Variants in USP49 observed in about 807,000 individuals in gnomAD.
USP49 encodes the protein ubiquitin carboxyl-terminal hydrolase 49.
USP49 carries 24 observed loss-of-function variants against 58.6 expected under a neutral mutation model. The observed-to-expected ratio is 0.41, with a 90% CI of 0.30 to 0.58. The LOEUF (loss-of-function observed/expected upper bound fraction) is 0.58. USP49 is among the 20% of genes least tolerant of loss of function. USP49 has a pLI of 0.30. For missense variants in USP49, 703 were observed against 866.1 expected, an observed-to-expected ratio of 0.81 and a Z score of 2.36; for synonymous variants, 408 against 365.1, an observed-to-expected ratio of 1.12 and a Z score of -1.34.
chr6:41,836,093 C>A (rs1343915974), intron 3 of USP49, among the ~76,000 whole-genome samples: 1 of 151,706 alleles, frequency 6.6e-6, no homozygotes, highest in African/African-American at 2.4e-5. Context: ...TAAATAAATA[C>A]AATACAAATT....
At chr6:41,827,939 G>A (rs2127339289) in intron 3 of USP49, among the ~76,000 whole-genome samples, 1 of 152,240 alleles carries the variant, frequency 6.6e-6, no homozygotes, top group East Asian at 1.9e-4. Flanking sequence ...ACATGGCTGA[G>A]CTGTGAGATG....
intron 3 of USP49, among the ~76,000 whole-genome samples, chr6:41,827,518 G>A (rs1193527125): frequency 6.6e-6 from 1 of 151,960 alleles, no homozygotes; most frequent in Non-Finnish European, 1.5e-5. Context: ...AAATTAGCCA[G>A]CAGTGGTGGT....
intron 3 of USP49, among the ~76,000 whole-genome samples, chr6:41,848,543 T>A (rs1409773777): frequency 1.3e-5 from 2 of 151,860 alleles, no homozygotes; most frequent in Non-Finnish European, 2.9e-5. Flanking sequence ...ATTAAAAATA[T>A]ATATATATTT....
At chr6:41,798,235 C>T (rs978267031) in intron 7 of USP49, 1 of 170,260 alleles carries the variant, frequency 5.9e-6, no homozygotes, top group African/African-American at 2.4e-5. Context: ...TATGTTGTTA[C>T]TTAGTAATAT....
chr6:41,878,276 C>A (rs897612736), intron 2 of USP49, among the ~76,000 whole-genome samples: 1 of 152,164 alleles, frequency 6.6e-6, no homozygotes, highest in East Asian at 1.9e-4. Flanking sequence ...AGAGCTTCAT[C>A]ATTCAGGTAG....
chr6:41,821,190 C>A (rs530349286), intron 3 of USP49, among the ~76,000 whole-genome samples: 8 of 152,234 alleles, frequency 5.3e-5, no homozygotes, highest in African/African-American at 1.9e-4. Context: ...AAACACCTCC[C>A]ACCTGATCCC....
At chr6:41,891,529 C>T (rs1396296663) in intron 2 of USP49, among the ~76,000 whole-genome samples, 1 of 152,156 alleles carries the variant, frequency 6.6e-6, no homozygotes, top group East Asian at 1.9e-4. Context: ...GGCACAAAAG[C>T]ATTATATGTG....
chr6:41,854,996 A>T (rs1582023312), intron 3 of USP49, among the ~76,000 whole-genome samples: 1 of 151,994 alleles, frequency 6.6e-6, no homozygotes, highest in East Asian at 2.0e-4. Context: ...CTGGTCTCGA[A>T]CTTCTGACCT....
intron 3 of USP49, among the ~76,000 whole-genome samples, chr6:41,856,948 G>A (rs1308582292): frequency 2.0e-5 from 3 of 152,100 alleles, no homozygotes; most frequent in Non-Finnish European, 4.4e-5. Context: ...CTACTGTCCC[G>A]TGGTGCTGGA....
chr6:41,806,621 A>G lies in USP49; in HGVS notation c.363T>C (p.Ala121=). ...VRRGRTLRSM[A]SGEDVVLPQR... The stretch of plus-strand genomic sequence containing the variant: ...GCGGCAGGACCACGTCCTCACCCGA[A>G]GCCATGGACCGCAGCGTCCGCCCAC... Residue 121 remains alanine, a synonymous_variant, in exon 4 of 8, where the codon GCT becomes GCC. Transcript: ENST00000682992. The surrounding 1 kb of genome is among the most constrained non-coding windows in gnomAD (Gnocchi z 5.9). 6.2e-7 allele frequency: 1 copy of G among 1,611,584 alleles called. No individual in the cohort carries two copies. Among genetic ancestry groups the G allele is most frequent in the Non-Finnish European group, 8.5e-7 (1 of 1,179,398 alleles).
At chr6:41,892,533 T>C (rs1318171807) in intron 1 of USP49, among the ~76,000 whole-genome samples, 3 of 152,228 alleles carry the variant, frequency 2.0e-5, no homozygotes, top group Non-Finnish European at 4.4e-5. Flanking sequence ...CTTGAACACT[T>C]GCTTAATACA....
At chr6:41,863,586 C>T (rs146004667) in intron 3 of USP49, among the ~76,000 whole-genome samples, 2 of 152,322 alleles carry the variant, frequency 1.3e-5, no homozygotes, top group Admixed American at 6.5e-5. Context: ...AACAGCTAGG[C>T]ACTGTATAAG....
intron 3 of USP49, among the ~76,000 whole-genome samples, chr6:41,829,959 T>C (rs1359328535): frequency 6.6e-6 from 1 of 152,234 alleles, no homozygotes; most frequent in Non-Finnish European, 1.5e-5. Flanking sequence ...TAAAAATTAA[T>C]ATGTTGGATG....
chr6:41,869,886 T>C lies in USP49; in HGVS notation c.-29+1678A>G, dbSNP rs559564727. The stretch of plus-strand genomic sequence containing the variant: ...CTATGTTAGGCTGAAGATAGTTGTT[T>C]ATTCATATATAACTATAAACATCAT... On this transcript the variant is annotated intron_variant, in intron 3 of 7. Transcript: ENST00000682992. Among the ~76,000 whole-genome samples, 7 of 152,316 alleles carry C rather than the reference T, an allele frequency of 4.6e-5. No individual in the cohort carries two copies. In the South Asian group the frequency reaches 1.4e-3, roughly 32 times the overall value.
At chr6:41,823,840 G>A (rs1470585031) in intron 3 of USP49, among the ~76,000 whole-genome samples, 2 of 152,058 alleles carry the variant, frequency 1.3e-5, no homozygotes, top group Non-Finnish European at 2.9e-5. Flanking sequence ...TGGGGGGGTC[G>A]GGAGAGAGGG....
At chr6:41,851,502 T>C (rs993260034) in intron 3 of USP49, among the ~76,000 whole-genome samples, 1 of 152,182 alleles carries the variant, frequency 6.6e-6, no homozygotes. Flanking sequence ...ATAAAGACCA[T>C]GTATGAAACC....
At position 41,806,293 on chromosome 6, in the gene USP49, T is replaced by C. The variant is rs905491491; in HGVS notation, c.691A>G (p.Thr231Ala). The C allele has an allele frequency of 1.3e-6, 2 of 1,596,446 alleles. No individual in the cohort carries two copies. The highest frequency in any genetic ancestry group is 1.3e-5 in the African/African-American group (1 of 74,680). The stretch of plus-strand genomic sequence containing the variant: ...GTGGCGGCGGGCACTCTGCGTGAGG[T>C]AGGGAGGGCGGCGGGGCGCGAGGCA... The part of the protein sequence containing the change: ...PAASRPAALP[T>A]SRRVPAATLK... The change falls in exon 4 of 8, where the codon ACC becomes GCC. Residue 231 changes from threonine to alanine, a missense_variant. This residue lies in a region of USP49 where 376 missense variants were observed against 373.5 expected (regional missense o/e 1.01). Coordinates refer to ENST00000682992, the MANE Select transcript of USP49 (RefSeq NM_001286554.2). The surrounding 1 kb of genome is among the most constrained non-coding windows in gnomAD (Gnocchi z 5.9).
chr6:41,882,122 A>G (rs1403286526), intron 2 of USP49, among the ~76,000 whole-genome samples: 1 of 152,168 alleles, frequency 6.6e-6, no homozygotes, highest in Non-Finnish European at 1.5e-5. Flanking sequence ...AAATACTAGA[A>G]AGGAACAGTA....
chr6:41,853,899 T>C (rs1774075535), intron 3 of USP49, among the ~76,000 whole-genome samples: 2 of 147,514 alleles, frequency 1.4e-5, no homozygotes, highest in Non-Finnish European at 3.0e-5. Flanking sequence ...CTTGGGAGGC[T>C]GAGGCAGGAG....
Sources: gnomAD v4.1 joint callset for allele counts (sites outside exome capture counted in the v4.1 genomes callset) on GRCh38, gnomAD v4.1.1 for gene constraint, gnomAD v4.1.1 regional missense constraint, Gnocchi (gnomAD v3.1) non-coding constraint, MANE v1.5 for transcripts, NCBI Gene and HGNC (gene_info 2026-07-23, HGNC 2026-07-21) for gene names.